DCAF5: variants seen among roughly 807,000 people sequenced by gnomAD.
The protein encoded by DCAF5 is DDB1- and CUL4-associated factor 5.
In DCAF5, 9 loss-of-function variants were observed where a neutral mutation model predicts 80.7. The ratio of observed to expected loss-of-function variants is 0.11; its 90% CI spans 0.07 to 0.19. The LOEUF is 0.19. DCAF5 is among the 10% of genes least tolerant of loss of function. The probability of loss-of-function intolerance (pLI) is 1.00; values close to 1 mark genes in which losing one functional copy is unlikely to be tolerated. For synonymous variants in DCAF5, 433 were observed against 461.9 expected (o/e 0.94, Z 0.80); for missense variants, 842 against 1,205.7 (o/e 0.70, Z 4.47).
At chr14:69,136,613 T>A (rs2041204283) in intron 1 of DCAF5, among the ~76,000 whole-genome samples, 1 of 152,182 alleles carries the variant, frequency 6.6e-6, no homozygotes, top group South Asian at 2.1e-4. Context: ...ATTTTTTCAG[T>A]TTGAGAACTG....
chr14:69,075,251 C>G, intron 7 of DCAF5, 94 bp downstream of exon 7: 1 of 871,722 alleles, frequency 1.1e-6, no homozygotes, highest in Non-Finnish European at 1.7e-6. Context: ...AAATGTTGTC[C>G]TCTACTGCTA....
At chr14:69,129,184 T>C (rs368441131) in intron 1 of DCAF5, among the ~76,000 whole-genome samples, 1 of 152,178 alleles carries the variant, frequency 6.6e-6, no homozygotes, top group Non-Finnish European at 1.5e-5. Flanking sequence ...ACTAACATGA[T>C]GATGACAGCC....
intron 1 of DCAF5, among the ~76,000 whole-genome samples, chr14:69,127,731 A>C (rs1291616393): frequency 6.6e-6 from 1 of 152,202 alleles, no homozygotes; most frequent in African/African-American, 2.4e-5. Context: ...GAAGGAGGCT[A>C]TGCAGGTGTG....
chr14:69,091,645 G>A (rs774840167), intron 6 of DCAF5, 29 bp downstream of exon 6: 40 of 1,584,888 alleles, frequency 2.5e-5, no homozygotes, highest in Non-Finnish European at 3.1e-5. Context: ...AAGCATAAGT[G>A]TGAGATGCAG....
chr14:69,132,842 G>A (rs377235285), intron 1 of DCAF5, among the ~76,000 whole-genome samples: 64 of 152,228 alleles, frequency 4.2e-4, no homozygotes, highest in East Asian at 3.7e-3. Flanking sequence ...TCTCAATGTC[G>A]CCGGCACTTA....
intron 6 of DCAF5, among the ~76,000 whole-genome samples, chr14:69,086,449 A>G (rs2039324207): frequency 6.6e-6 from 1 of 152,176 alleles, no homozygotes; most frequent in African/African-American, 2.4e-5. Flanking sequence ...TGTAAGATAT[A>G]AATGGCAAGG....
At chr14:69,085,456 C>G (rs988719650) in intron 6 of DCAF5, 3 of 414,870 alleles carry the variant, frequency 7.2e-6, no homozygotes, top group African/African-American at 6.3e-5. Flanking sequence ...CTTGATTTAA[C>G]AGGATTTTTG....
intron 6 of DCAF5, chr14:69,084,367 G>C (rs2039236082): frequency 1.1e-6 from 1 of 914,154 alleles, no homozygotes; most frequent in Admixed American, 1.7e-5. Context: ...TGCAGTGTCT[G>C]GTTATCGATG....
intron 5 of DCAF5, among the ~76,000 whole-genome samples, chr14:69,097,518 T>C (rs2039766930): frequency 6.6e-6 from 1 of 152,010 alleles, no homozygotes; most frequent in Non-Finnish European, 1.5e-5. Flanking sequence ...CTATATTTTT[T>C]ATTTAAGAAA....
Position 69,054,649 on chromosome 14 carries a change from A to G in DCAF5, c.2037T>C (p.Asp679=), listed in dbSNP as rs753356287. Residue 679 remains aspartate (D), a synonymous_variant, in exon 9 of 9, where the codon GAT becomes GAC. Coordinates refer to ENST00000341516, the MANE Select transcript of DCAF5 (RefSeq NM_003861.3). The part of the protein sequence containing the change: ...YSYISYSNNK[D]GETSLVTGEA... Reference sequence around the variant, plus strand: ...CCCCGGTCACCAAGGAGGTCTCTCCATCTTTGTTATTTGAGTAGGAGATAT... The same window carrying G: ...CCCCGGTCACCAAGGAGGTCTCTCCGTCTTTGTTATTTGAGTAGGAGATAT... The G allele has an allele frequency of 1.9e-6, 3 of 1,614,120 alleles. No homozygotes were observed. The highest frequency in any genetic ancestry group is 2.5e-6 in the Non-Finnish European group (3 of 1,180,006).
chr14:69,070,400 G>A (rs2038639902), intron 7 of DCAF5, among the ~76,000 whole-genome samples: 2 of 152,124 alleles, frequency 1.3e-5, no homozygotes, highest in African/African-American at 4.8e-5. Flanking sequence ...TCTTGTATTT[G>A]AATACACATT....
chr14:69,077,112 G>A lies in DCAF5; in HGVS notation c.880-1701C>T, dbSNP rs531202868. Among the ~76,000 whole-genome samples the A allele has an allele frequency of 1.2e-4, 18 of 152,280 alleles. No individual in the cohort carries two copies. In the South Asian group the frequency reaches 3.7e-3, roughly 32 times the overall value. ...AGTTCATTTATTTCCAGTGATTAAC[G>A]TGTTTTACTTTAAGGTGAGGTCAGC... is the stretch of plus-strand genomic sequence containing the variant. On this transcript the variant is annotated intron_variant, in intron 6 of 8. Transcript: ENST00000341516.
intron 1 of DCAF5, among the ~76,000 whole-genome samples, chr14:69,144,932 T>G (rs951359647): frequency 2.6e-5 from 4 of 152,178 alleles, no homozygotes; most frequent in Admixed American, 1.3e-4. Flanking sequence ...AAAATGAAAA[T>G]CCTTCCATTT....
intron 5 of DCAF5, among the ~76,000 whole-genome samples, chr14:69,106,152 G>A (rs2040149800): frequency 6.6e-6 from 1 of 150,880 alleles, no homozygotes; most frequent in South Asian, 2.1e-4. Context: ...TGCCTCCCAG[G>A]TTCAAGCAAT....
chr14:69,150,694 T>C (rs1385954681), intron 1 of DCAF5, among the ~76,000 whole-genome samples: 1 of 149,562 alleles, frequency 6.7e-6, no homozygotes, highest in African/African-American at 2.5e-5. Context: ...AAGACTAGCC[T>C]GGGCAACATA....
rs1408067544 is a variant in DCAF5 at position 69,123,474 on chromosome 14, A to G, written c.215-1114T>C. Reference sequence around the variant, plus strand: ...AAAGAAGCTGTTTATAGTGCCAACTATAACTGGTAGGCTGGTGTTGGGAGA... The same window carrying G: ...AAAGAAGCTGTTTATAGTGCCAACTGTAACTGGTAGGCTGGTGTTGGGAGA... On this transcript the variant is annotated intron_variant, in intron 1 of 8. Coordinates refer to ENST00000341516, the MANE Select transcript of DCAF5 (RefSeq NM_003861.3). 3.9e-5 allele frequency among the ~76,000 whole-genome samples: 6 copies of G among 152,374 alleles called. No homozygotes were observed. In the East Asian group the frequency reaches 1.2e-3, roughly 29 times the overall value.
At chr14:69,106,181 C>CG (rs2040150923) in intron 5 of DCAF5, among the ~76,000 whole-genome samples, 2 of 150,838 alleles carry the variant, frequency 1.3e-5, no homozygotes, top group Non-Finnish European at 3.0e-5. Flanking sequence ...CTCAGCCCCC[C>CG]GAGTAGCTGG....
At chr14:69,102,362 C>T (rs2039984460) in intron 5 of DCAF5, among the ~76,000 whole-genome samples, 1 of 151,996 alleles carries the variant, frequency 6.6e-6, no homozygotes, top group Non-Finnish European at 1.5e-5. Flanking sequence ...CTGCCTCAGC[C>T]TCCCAAAGTG....
intron 5 of DCAF5, among the ~76,000 whole-genome samples, 198 bp from the exon 6 acceptor site, chr14:69,092,085 C>A (rs763540463): frequency 1.3e-5 from 2 of 152,178 alleles, no homozygotes; most frequent in Non-Finnish European, 2.9e-5. Flanking sequence ...ATTGTCAGTT[C>A]TCTTGCTCAG....
Sources: gnomAD v4.1 joint callset for allele counts (sites outside exome capture counted in the v4.1 genomes callset) on GRCh38, gnomAD v4.1.1 for gene constraint, MANE v1.5 for transcripts, NCBI Gene and HGNC (gene_info 2026-07-23, HGNC 2026-07-21) for gene names.